Variants in AP1G1 observed in about 807,000 individuals in gnomAD.
AP1G1 encodes the protein AP-1 complex subunit gamma-1.
In AP1G1, 7 loss-of-function variants were observed where a neutral mutation model predicts 108.3. The ratio of observed to expected loss-of-function variants is 0.06; its 90% CI spans 0.04 to 0.12. The LOEUF (loss-of-function observed/expected upper bound fraction) is 0.12. Ranked by LOEUF, AP1G1 falls within the 10% of genes least tolerant of loss-of-function variation. The pLI is 1.00. For synonymous variants in AP1G1, 379 were observed against 353.5 expected (o/e 1.07, Z -0.81); for missense variants, 756 against 1,010.7 (o/e 0.75, Z 3.42).
rs576525334 is a variant in AP1G1 at position 71,767,538 on chromosome 16, G to T, written c.643-1954C>A. Among the ~76,000 whole-genome samples the T allele has an allele frequency of 5.3e-5, 8 of 152,306 alleles. No homozygotes were observed. The East Asian group carries it at 1.5e-3, about 29-fold the overall frequency. ...CTACTTCAAAAAGCAGCAGCATTTT[G>T]TGTCAAAGCTCCAGACTAATCTGGA... On this transcript the variant is annotated intron_variant, in intron 6 of 22. Transcript: ENST00000299980.
At chr16:71,759,548 C>T (rs763582495) in intron 10 of AP1G1, among the ~76,000 whole-genome samples, 15 of 151,786 alleles carry the variant, frequency 9.9e-5, no homozygotes, top group Admixed American at 7.9e-4. Flanking sequence ...ATCAAGAGGT[C>T]AGGAGATTAA....
rs779658464 is a variant in AP1G1, at chr16:71,738,972, C to T, written c.2238G>A (p.Thr746=). The T allele has an allele frequency of 7.4e-6, 12 of 1,613,774 alleles. No individual in the cohort carries two copies. In the East Asian group the frequency reaches 1.3e-4, roughly 18 times the overall value. Residue 746 remains threonine (T), a synonymous_variant, in exon 21 of 23, where the codon ACG becomes ACA. Coordinates refer to ENST00000299980, the MANE Select transcript of AP1G1 (RefSeq NM_001128.6). ...GTACTGCAGCTTGGAAAACAAAGTC[C>T]GTCATATCTAGCTCTGTGCTGTTGG... The part of the protein sequence containing the change: ...QASNSTELDM[T]DFVFQAAVPK...
chr16:71,802,776 G>C (rs567630164), intron 1 of AP1G1, among the ~76,000 whole-genome samples: 3 of 151,786 alleles, frequency 2.0e-5, no homozygotes, highest in South Asian at 4.2e-4. Context: ...TTCCCAGGCT[G>C]GTTTCAAACT....
chr16:71,780,101 C>T (rs2031953718), intron 2 of AP1G1, among the ~76,000 whole-genome samples: 1 of 147,930 alleles, frequency 6.8e-6, no homozygotes, highest in Non-Finnish European at 1.5e-5. Flanking sequence ...TCAAGCAATT[C>T]TCCTGCCTCA....
chr16:71,807,964 C>A, intron 1 of AP1G1: 2 of 1,249,126 alleles, frequency 1.6e-6, no homozygotes, highest in South Asian at 2.7e-5. Context: ...TCTTGCCTCC[C>A]AAAAGCCATT....
intron 9 of AP1G1, among the ~76,000 whole-genome samples, chr16:71,762,975 G>GGA (rs1948549755): frequency 6.6e-6 from 1 of 152,166 alleles, no homozygotes; most frequent in Non-Finnish European, 1.5e-5. Context: ...TTATCTCCAG[G>GGA]GAGACAGTGT....
At chr16:71,758,448 AGC>A (rs1381774529) in intron 11 of AP1G1, 1 of 526,266 alleles carries the variant, frequency 1.9e-6, no homozygotes, top group Non-Finnish European at 3.8e-6. Context: ...CAAGACACTT[AGC>A]CGATGGATCA....
chr16:71,791,232 A>C (rs1416561954), intron 1 of AP1G1, among the ~76,000 whole-genome samples: 2 of 150,932 alleles, frequency 1.3e-5, no homozygotes, highest in African/African-American at 2.4e-5. Context: ...AAACAAAAAA[A>C]AAAAACAAAA....
intron 2 of AP1G1, among the ~76,000 whole-genome samples, chr16:71,781,382 G>T (rs1272701228): frequency 6.6e-6 from 1 of 152,114 alleles, no homozygotes; most frequent in Admixed American, 6.5e-5. Context: ...TCACGTAACT[G>T]TCACTGACAC....
intron 2 of AP1G1, among the ~76,000 whole-genome samples, chr16:71,782,466 A>AATTATTATTATTATTATT (rs112080769): frequency 6.7e-6 from 1 of 148,884 alleles, no homozygotes; most frequent in African/African-American, 2.5e-5. Flanking sequence ...CCCAGCCTAC[A>AATTATTATTATTATTATT]ATTATTATTA....
At chr16:71,775,546 T>G (rs1158777852) in intron 2 of AP1G1, among the ~76,000 whole-genome samples, 1 of 152,120 alleles carries the variant, frequency 6.6e-6, no homozygotes, top group Non-Finnish European at 1.5e-5. Flanking sequence ...ATCCCCAAGT[T>G]ACATTAAATG....
Position 71,808,794 on chromosome 16 carries a change from C to G in AP1G1, c.-35G>C, listed in dbSNP as rs906035156. On this transcript the variant is annotated 5_prime_UTR_variant, in exon 1 of 23. Transcript: ENST00000299980. ...GAAACCTCGAATGAAACCAGCAGCT[C>G]CGGGGGCGGCGGCAGCAGTGGCAGC... The G allele has an allele frequency of 7.8e-5, 100 of 1,289,726 alleles. No homozygotes were observed. Among genetic ancestry groups the G allele is most frequent in the Non-Finnish European group, 9.9e-5 (98 of 988,804 alleles). The allele number at this position is 1,289,726 out of a possible 1,614,324, so 79.9% of individuals were successfully genotyped here. A position where few individuals can be genotyped will look rare whatever the true frequency, so the allele number is the denominator to read the frequency against.
chr16:71,746,848 T>C (rs1726879810), intron 16 of AP1G1, 156 bp from the exon 17 acceptor site: 1 of 563,986 alleles, frequency 1.8e-6, no homozygotes, highest in African/African-American at 1.9e-5. Context: ...CACTTTACTT[T>C]CATCCATTTA....
chr16:71,798,073 A>G (rs1275646831), intron 1 of AP1G1, among the ~76,000 whole-genome samples: 1 of 152,254 alleles, frequency 6.6e-6, no homozygotes, highest in Admixed American at 6.5e-5. Context: ...AAACTACGAA[A>G]TCTATAAAAT....
At chr16:71,749,576 A>G (rs1386761945) in intron 15 of AP1G1, among the ~76,000 whole-genome samples, 2 of 152,078 alleles carry the variant, frequency 1.3e-5, no homozygotes, top group East Asian at 3.9e-4. Flanking sequence ...GCTTCTTTAA[A>G]AAGTTGGGTA....
intron 2 of AP1G1, among the ~76,000 whole-genome samples, chr16:71,788,507 C>G (rs1349229081): frequency 6.6e-6 from 1 of 152,150 alleles, no homozygotes; most frequent in African/African-American, 2.4e-5. Context: ...CAGATCTGCT[C>G]TAGTTACAGC....
chr16:71,736,115 AAAAT>A (rs1302712401), intron 21 of AP1G1, among the ~76,000 whole-genome samples: 72 of 73,498 alleles, frequency 9.8e-4, no homozygotes, highest in Non-Finnish European at 1.4e-3. Flanking sequence ...AAAAAAAAAA[AAAAT>A]ATATATATAT....
At chr16:71,736,449 C>T (rs563426624) in intron 21 of AP1G1, among the ~76,000 whole-genome samples, 15 of 149,862 alleles carry the variant, frequency 1.0e-4, no homozygotes, top group East Asian at 1.9e-4. Flanking sequence ...GGTGCGATCT[C>T]GGCTCACTGC....
chr16:71,764,194 A>G (rs2031222365), intron 9 of AP1G1, among the ~76,000 whole-genome samples, 156 bp downstream of exon 9: 1 of 152,192 alleles, frequency 6.6e-6, no homozygotes, highest in South Asian at 2.1e-4. Flanking sequence ...GTGGGAAGGA[A>G]TATTTCAGAT....
Sources: gnomAD v4.1 joint callset for allele counts (sites outside exome capture counted in the v4.1 genomes callset) on GRCh38, gnomAD v4.1.1 for gene constraint, MANE v1.5 for transcripts, NCBI Gene and HGNC (gene_info 2026-07-23, HGNC 2026-07-21) for gene names.